The following MYLK variants were observed in gnomAD, a reference collection of about 807,000 sequenced individuals.
MYLK encodes the protein myosin light chain kinase, also known as myosin light chain kinase, smooth muscle.
In MYLK, 106 loss-of-function variants were observed where a neutral mutation model predicts 203.4. That is an observed-to-expected ratio of 0.52 (90% CI 0.45 to 0.61). The LOEUF is 0.61. MYLK is among the 20% of genes least tolerant of loss of function. The pLI, the probability that MYLK is intolerant of heterozygous loss-of-function variation, is 0.00. For missense variants in MYLK, 2,072 were observed against 2,442.3 expected, an observed-to-expected ratio of 0.85 and a Z score of 3.20; for synonymous variants, 867 against 959.5, an observed-to-expected ratio of 0.90 and a Z score of 1.78.
Position 123,755,949 on chromosome 3 carries a change from C to T in MYLK, c.166-3411G>A, listed in dbSNP as rs563507992. Among the ~76,000 whole-genome samples, 7 of 152,332 alleles carry T rather than the reference C, an allele frequency of 4.6e-5. No individual in the cohort carries two copies. The East Asian group carries it at 1.3e-3, about 29-fold the overall frequency. ...CCCTTCCTGCAAGTCCTCACCAACA[C>T]TCACAGCAGCTGGGAATGGGCCTAA... On this transcript the variant is annotated intron_variant, in intron 4 of 33. Transcript: ENST00000360304.
At chr3:123,673,126 A>G (rs1333890314) in intron 20 of MYLK, among the ~76,000 whole-genome samples, 1 of 151,318 alleles carries the variant, frequency 6.6e-6, no homozygotes, top group African/African-American at 2.4e-5. Flanking sequence ...TAAGGGAAGT[A>G]TAGCATATAG....
intron 2 of MYLK, among the ~76,000 whole-genome samples, chr3:123,859,846 T>C (rs1459271258): frequency 6.6e-6 from 1 of 152,044 alleles, no homozygotes; most frequent in African/African-American, 2.4e-5. Context: ...CTGTTTCTGG[T>C]AACGTGTGGG....
chr3:123,826,110 T>C (rs2066110942), intron 3 of MYLK, among the ~76,000 whole-genome samples: 1 of 152,014 alleles, frequency 6.6e-6, no homozygotes, highest in Non-Finnish European at 1.5e-5. Flanking sequence ...TCCTGGCAGG[T>C]ATGCCCTTAT....
intron 3 of MYLK, among the ~76,000 whole-genome samples, chr3:123,829,605 C>A (rs1470583111): frequency 1.3e-5 from 2 of 152,058 alleles, no homozygotes; most frequent in African/African-American, 4.8e-5. Flanking sequence ...TTGAATGTTT[C>A]AAACATAAAG....
chr3:123,698,405 A>C (rs1010424685), intron 18 of MYLK, among the ~76,000 whole-genome samples: 1 of 152,224 alleles, frequency 6.6e-6, no homozygotes, highest in Non-Finnish European at 1.5e-5. Context: ...GCCACCCTGC[A>C]TCCTGCCTGG....
intron 3 of MYLK, among the ~76,000 whole-genome samples, chr3:123,828,635 T>C (rs1307449819): frequency 2.6e-5 from 4 of 152,158 alleles, no homozygotes; most frequent in African/African-American, 9.6e-5. Context: ...TGTTTCTGCA[T>C]AGCAAGGGAA....
At chr3:123,860,644 G>A (rs1041975111) in intron 2 of MYLK, among the ~76,000 whole-genome samples, 2 of 152,182 alleles carry the variant, frequency 1.3e-5, no homozygotes, top group Non-Finnish European at 2.9e-5. Flanking sequence ...CTGAGCCCAA[G>A]ATGCTGTCAC....
intron 24 of MYLK, among the ~76,000 whole-genome samples, chr3:123,651,601 AGAGT>A (rs2059213250): frequency 1.3e-5 from 2 of 152,190 alleles, no homozygotes; most frequent in Non-Finnish European, 2.9e-5. Flanking sequence ...TCCAAGCAGC[AGAGT>A]GAGAGGGAAA....
At chr3:123,807,199 C>T (rs112613360) in intron 3 of MYLK, among the ~76,000 whole-genome samples, 1,605 of 152,022 alleles carry the variant, frequency 0.011, 33 homozygotes, top group African/African-American at 0.034. Flanking sequence ...GAAGCCAAGG[C>T]GGGGGCATGA....
chr3:123,677,774 T>C (rs971452821), intron 20 of MYLK, among the ~76,000 whole-genome samples: 4 of 151,244 alleles, frequency 2.6e-5, no homozygotes, highest in African/African-American at 9.7e-5. Flanking sequence ...AATAATTGCA[T>C]TGTAGTTATG....
chr3:123,769,734 G>A (rs1238812386), intron 4 of MYLK, among the ~76,000 whole-genome samples: 1 of 152,138 alleles, frequency 6.6e-6, no homozygotes, highest in African/African-American at 2.4e-5. Context: ...ACTGTCTGTG[G>A]AAAGAGCTAC....
At chr3:123,684,472 CTTCCTTGAAG>C in intron 19 of MYLK, among the ~76,000 whole-genome samples, 1 of 152,284 alleles carries the variant, frequency 6.6e-6, no homozygotes, top group East Asian at 1.9e-4. Flanking sequence ...CCCTTCTTCC[CTTCCTTGAAG>C]ACCAGCATTT....
At chr3:123,782,046 C>T (rs368824066) in intron 4 of MYLK, among the ~76,000 whole-genome samples, 2 of 152,264 alleles carry the variant, frequency 1.3e-5, no homozygotes, top group East Asian at 3.9e-4. Context: ...ACAGACACAT[C>T]ACAGAATTTC....
intron 32 of MYLK, 72 bp from the exon 33 acceptor site, chr3:123,618,842 C>G: frequency 6.3e-7 from 1 of 1,599,190 alleles, no homozygotes; most frequent in Non-Finnish European, 8.5e-7. Context: ...CTTAAAGAAA[C>G]TAACTTTTAA....
rs990700082 is a variant in MYLK at position 123,694,032 on chromosome 3, A to G, written c.3449-1181T>C. ...CCAACTACTGTCCCTGCCCCCCATT[A>G]CACAAATGCACAGCCTTGACCAGCA... On this transcript the variant is annotated intron_variant, in intron 18 of 33. Coordinates refer to ENST00000360304, the MANE Select transcript of MYLK (RefSeq NM_053025.4). Among the ~76,000 whole-genome samples, 5 of 152,298 alleles carry G rather than the reference A, an allele frequency of 3.3e-5. No homozygotes were observed. The East Asian group carries it at 9.7e-4, about 29-fold the overall frequency.
intron 4 of MYLK, among the ~76,000 whole-genome samples, chr3:123,789,428 C>G (rs2064682242): frequency 1.3e-5 from 2 of 152,006 alleles, no homozygotes; most frequent in South Asian, 4.1e-4. Flanking sequence ...TTCCTGGGTC[C>G]TGGGTGCCCA....
intron 24 of MYLK, among the ~76,000 whole-genome samples, chr3:123,651,986 C>G (rs2059229938): frequency 6.6e-6 from 1 of 152,222 alleles, no homozygotes; most frequent in Non-Finnish European, 1.5e-5. Flanking sequence ...GTGGCAAGTG[C>G]CTGTAGTCCC....
At position 123,758,637 on chromosome 3, in the gene MYLK, G is replaced by A. The variant is rs115599905; in HGVS notation, c.166-6099C>T. On this transcript the variant is annotated intron_variant, in intron 4 of 33. Coordinates refer to ENST00000360304, the MANE Select transcript of MYLK (RefSeq NM_053025.4). Reference sequence around the variant, plus strand: ...TTGTTTCTGTCACTGAAAACACAAGGCAAGTTATAGCTCCGTAGCTGGGGG... The same window carrying A: ...TTGTTTCTGTCACTGAAAACACAAGACAAGTTATAGCTCCGTAGCTGGGGG... 3.5e-3 allele frequency among the ~76,000 whole-genome samples: 534 copies of A among 152,180 alleles called. 4 individuals carry two copies. Among genetic ancestry groups the A allele is most frequent in the African/African-American group, 0.012 (510 of 41,506 alleles).
chr3:123,722,354 G>GC, intron 12 of MYLK, 74 bp from the exon 13 acceptor site: 1 of 1,379,770 alleles, frequency 7.2e-7, no homozygotes. Context: ...CCTCAGCAGG[G>GC]CTGCTGCTGT....
Sources: gnomAD v4.1 joint callset for allele counts (sites outside exome capture counted in the v4.1 genomes callset) on GRCh38, gnomAD v4.1.1 for gene constraint, MANE v1.5 for transcripts, NCBI Gene and HGNC (gene_info 2026-07-23, HGNC 2026-07-21) for gene names.